The following IPMK variants were observed in gnomAD, a reference collection of about 807,000 sequenced individuals.
IPMK encodes the protein inositol polyphosphate multikinase, also known as inositol 1,3,4,6-tetrakisphosphate 5-kinase.
IPMK carries 17 observed loss-of-function variants against 45.8 expected under a neutral mutation model. That is an observed-to-expected ratio of 0.37 (90% CI 0.25 to 0.56). The LOEUF is 0.56. Among genes scored for constraint, IPMK ranks in the 20% least tolerant of loss-of-function variants. The pLI is 0.79. For synonymous variants in IPMK, 180 were observed against 184.3 expected, an observed-to-expected ratio of 0.98 and a Z score of 0.19; for missense variants, 399 against 498.0, an observed-to-expected ratio of 0.80 and a Z score of 1.89.
rs531132032 is a variant in IPMK at position 58,236,380 on chromosome 10, T to G, written c.276+1349A>C. Among the ~76,000 whole-genome samples the G allele has an allele frequency of 2.2e-4, 34 of 152,282 alleles. No individual in the cohort carries two copies. The South Asian group carries it at 7.0e-3, about 32-fold the overall frequency. ...GTTTAATTTCATTTGTGCACACAGC[T>G]GGAAAAGATCTTAAGCACTCCCAAG... On this transcript the variant is annotated intron_variant, in intron 2 of 5. Transcript: ENST00000373935.
rs566277386 is a variant in IPMK at position 58,234,996 on chromosome 10, A to T, written c.276+2733T>A. Among the ~76,000 whole-genome samples, 8 of 152,344 alleles carry T rather than the reference A, an allele frequency of 5.3e-5. No individual in the cohort carries two copies. In the East Asian group the frequency reaches 1.5e-3, roughly 29 times the overall value. ...AAAAAAACAAACAACCCCATCAAAA[A>T]GGGGGCAAAGGATATGAACAGACAC... On this transcript the variant is annotated intron_variant, in intron 2 of 5. Coordinates refer to ENST00000373935, the MANE Select transcript of IPMK (RefSeq NM_152230.5).
intron 2 of IPMK, among the ~76,000 whole-genome samples, chr10:58,229,028 T>C (rs73295079): frequency 0.017 from 2,600 of 152,196 alleles, 70 homozygotes; most frequent in African/African-American, 0.06. Context: ...AGAGTTACTA[T>C]ACTGAAACAT....
At chr10:58,218,040 C>G (rs1838275149) in intron 3 of IPMK, among the ~76,000 whole-genome samples, 1 of 152,040 alleles carries the variant, frequency 6.6e-6, no homozygotes, top group African/African-American at 2.4e-5. Flanking sequence ...AAATCTTCTC[C>G]TTCAAAGGAC....
In IPMK at chr10:58,192,646, C is replaced by T. The variant is rs1837834439; in HGVS notation, c.*3430G>A. On this transcript the variant is annotated 3_prime_UTR_variant, in exon 6 of 6. Transcript: ENST00000373935. ...GTTAGGGCCTTATCCGTTTGGTTCA[C>T]AGTTGTAATACTGGGGGCTAAAAAT... 1 of 151,940 alleles carries T rather than the reference C, an allele frequency of 6.6e-6. No homozygotes were observed. The highest frequency in any genetic ancestry group is 1.5e-5 in the Non-Finnish European group (1 of 67,902). 9.4% of individuals were successfully genotyped at this position (151,940 alleles called of 1,614,324 possible). A position where few individuals can be genotyped will look rare whatever the true frequency, so the allele number is the denominator to read the frequency against.
intron 4 of IPMK, among the ~76,000 whole-genome samples, chr10:58,204,627 C>G (rs1408556223): frequency 1.3e-5 from 2 of 151,992 alleles, no homozygotes; most frequent in African/African-American, 4.8e-5. Context: ...GACACAGTCT[C>G]CACAAAATAA....
In IPMK at chr10:58,239,614, T is replaced by C. The variant is rs116651070; in HGVS notation, c.191-1800A>G. Among the ~76,000 whole-genome samples, 965 of 152,216 alleles carry C rather than the reference T, an allele frequency of 6.3e-3. 11 individuals carry two copies. Among genetic ancestry groups the C allele is most frequent in the African/African-American group, 0.022 (918 of 41,526 alleles). On this transcript the variant is annotated intron_variant, in intron 1 of 5. Coordinates refer to ENST00000373935, the MANE Select transcript of IPMK (RefSeq NM_152230.5). ...GTAATAATCCCAACACAAAAAGAGATTGCTTCGTCCAATATGTCTCCCATA... is the reference window on the plus strand; with the variant it reads ...GTAATAATCCCAACACAAAAAGAGACTGCTTCGTCCAATATGTCTCCCATA...
At chr10:58,222,086 A>G (rs527501924) in intron 3 of IPMK, among the ~76,000 whole-genome samples, 2 of 151,988 alleles carry the variant, frequency 1.3e-5, no homozygotes, top group East Asian at 3.9e-4. Flanking sequence ...GAGTCTTGTT[A>G]TGTTGCCCAG....
chr10:58,196,720 C>A (rs202113550), intron 5 of IPMK, 22 bp from the exon 6 acceptor site: 2 of 1,449,070 alleles, frequency 1.4e-6, no homozygotes, highest in Non-Finnish European at 1.9e-6. Flanking sequence ...AAAATATGAG[C>A]GTTATAATCA....
chr10:58,205,656 G>A (rs1192648246), intron 4 of IPMK, among the ~76,000 whole-genome samples: 4 of 152,102 alleles, frequency 2.6e-5, no homozygotes, highest in Admixed American at 2.6e-4. Flanking sequence ...TAATACAATT[G>A]ACTTTAGACA....
chr10:58,204,667 C>T (rs1326268738), intron 4 of IPMK, among the ~76,000 whole-genome samples: 1 of 152,014 alleles, frequency 6.6e-6, no homozygotes, highest in African/African-American at 2.4e-5. Flanking sequence ...TGATGGTGTA[C>T]ACTTGTAGTG....
At chr10:58,201,478 A>C (rs1353425583) in intron 4 of IPMK, among the ~76,000 whole-genome samples, 2 of 152,192 alleles carry the variant, frequency 1.3e-5, no homozygotes, top group Non-Finnish European at 2.9e-5. Flanking sequence ...CGCACATAAG[A>C]TGGCAAATTG....
At chr10:58,197,543 G>A (rs189118272) in intron 5 of IPMK, among the ~76,000 whole-genome samples, 2 of 151,166 alleles carry the variant, frequency 1.3e-5, no homozygotes, top group Admixed American at 1.3e-4. Flanking sequence ...CTAGATACTC[G>A]GGAGGCTGAG....
At chr10:58,235,819 T>TA (rs1222797560) in intron 2 of IPMK, among the ~76,000 whole-genome samples, 3 of 150,724 alleles carry the variant, frequency 2.0e-5, no homozygotes, top group African/African-American at 2.4e-5. Context: ...ATAAAAAATT[T>TA]AAAAAAAAAG....
At chr10:58,224,856 T>C (rs1050268276) in intron 3 of IPMK, among the ~76,000 whole-genome samples, 2 of 152,180 alleles carry the variant, frequency 1.3e-5, no homozygotes, top group Non-Finnish European at 2.9e-5. Flanking sequence ...AGCAAATATG[T>C]TTTCATGATC....
intron 1 of IPMK, among the ~76,000 whole-genome samples, chr10:58,246,322 C>T (rs1432510733): frequency 6.7e-6 from 1 of 149,802 alleles, no homozygotes; most frequent in Non-Finnish European, 1.5e-5. Context: ...TCATATGGAA[C>T]CAAAAAAGAG....
At chr10:58,217,156 C>CTT (rs58314639) in intron 3 of IPMK, among the ~76,000 whole-genome samples, 4,303 of 102,834 alleles carry the variant, frequency 0.042, 152 homozygotes, top group East Asian at 0.12. Flanking sequence ...GCCCATCTTG[C>CTT]TTTTTTTTTT....
chr10:58,224,232 A>C (rs1838379873), intron 3 of IPMK, among the ~76,000 whole-genome samples: 1 of 152,194 alleles, frequency 6.6e-6, no homozygotes, highest in African/African-American at 2.4e-5. Context: ...ACTACCAATC[A>C]ATCAGACTAG....
At chr10:58,199,086 T>C (rs528351128) in intron 5 of IPMK, among the ~76,000 whole-genome samples, 154 bp downstream of exon 5, 2 of 152,270 alleles carry the variant, frequency 1.3e-5, no homozygotes, top group African/African-American at 2.4e-5. Context: ...CCAGGGCTTA[T>C]GGTTAATCCA....
chr10:58,215,091 A>G (rs1217884093), intron 4 of IPMK, among the ~76,000 whole-genome samples: 1 of 150,550 alleles, frequency 6.6e-6, no homozygotes, highest in Non-Finnish European at 1.5e-5. Flanking sequence ...CTTCAAAATT[A>G]AAAAGCCCAA....
Sources: allele counts gnomAD v4.1 joint callset (sites outside exome capture counted in the v4.1 genomes callset), GRCh38; gene constraint gnomAD v4.1.1; transcripts MANE v1.5; gene names NCBI Gene and HGNC (gene_info 2026-07-23, HGNC 2026-07-21).